Variants in SLC35F3 observed in about 807,000 individuals in gnomAD.
SLC35F3 encodes the protein solute carrier family 35 member F3, also known as putative thiamine transporter SLC35F3.
In SLC35F3, 25 loss-of-function variants were observed where a neutral mutation model predicts 49.9. The ratio of observed to expected loss-of-function variants is 0.50; its 90% CI spans 0.37 to 0.70. SLC35F3 has a LOEUF of 0.70. SLC35F3 is among the 30% of genes least tolerant of loss of function. SLC35F3 has a pLI of 0.00. For synonymous variants in SLC35F3, 275 were observed against 265.4 expected (o/e 1.04, Z -0.35); for missense variants, 525 against 639.8 (o/e 0.82, Z 1.94).
At chr1:234,252,345 T>C (rs1038168571) in intron 3 of SLC35F3, among the ~76,000 whole-genome samples, 2 of 152,130 alleles carry the variant, frequency 1.3e-5, no homozygotes, top group African/African-American at 4.8e-5. Context: ...GCTGGGATTA[T>C]AGGCGTGAGC....
intron 2 of SLC35F3, among the ~76,000 whole-genome samples, chr1:234,139,404 GT>G (rs774717318): frequency 1.1e-4 from 17 of 152,260 alleles, no homozygotes; most frequent in Non-Finnish European, 2.1e-4. Context: ...AAATAATACT[GT>G]AGATCCCAAA....
chr1:233,976,614 AT>A (rs554616426), intron 2 of SLC35F3, among the ~76,000 whole-genome samples: 20 of 148,466 alleles, frequency 1.3e-4, no homozygotes, highest in Middle Eastern at 3.4e-3. Flanking sequence ...TTGGTACTCA[AT>A]TTTTTTTTTT....
Position 234,214,732 on chromosome 1 carries a change from G to C in SLC35F3, c.284-16685G>C. 9.8e-7 allele frequency: 1 copy of C among 1,019,046 alleles called. No homozygotes were observed. Among genetic ancestry groups the C allele is most frequent in the South Asian group, 2.2e-5 (1 of 45,926 alleles). 63.1% of individuals were successfully genotyped at this position (1,019,046 alleles called of 1,614,324 possible). ...CAGAGCGCCGCCGCCTGCGTGGGGG[G>C]ATCTGGCAGCTTCAGGGGCTGCCCT... On this transcript the variant is annotated intron_variant, in intron 2 of 7. Coordinates refer to ENST00000366618, the MANE Select transcript of SLC35F3 (RefSeq NM_173508.4). The surrounding 1 kb of genome is among the most constrained non-coding windows in gnomAD (Gnocchi z 8.0).
At chr1:234,048,151 T>A (rs1201794145) in intron 2 of SLC35F3, among the ~76,000 whole-genome samples, 2 of 152,116 alleles carry the variant, frequency 1.3e-5, no homozygotes, top group Non-Finnish European at 2.9e-5. Flanking sequence ...CTAAACAAAG[T>A]GTTGAAAGAG....
chr1:234,283,836 A>G (rs1223646441), intron 3 of SLC35F3, among the ~76,000 whole-genome samples: 3 of 152,226 alleles, frequency 2.0e-5, no homozygotes, highest in African/African-American at 7.2e-5. Context: ...TTATCATAGT[A>G]AAGAGCATTT....
intron 2 of SLC35F3, among the ~76,000 whole-genome samples, chr1:234,028,443 C>T (rs952447194): frequency 3.9e-5 from 6 of 152,098 alleles, no homozygotes; most frequent in African/African-American, 9.7e-5. Flanking sequence ...CCTGAATGCC[C>T]GCATGGCCTC....
At chr1:234,049,781 T>A (rs1222014383) in intron 2 of SLC35F3, among the ~76,000 whole-genome samples, 2 of 152,074 alleles carry the variant, frequency 1.3e-5, no homozygotes, top group Admixed American at 1.3e-4. Flanking sequence ...ATGCTATCCC[T>A]CCCCACTACC....
At chr1:233,931,122 A>G (rs893597108) in intron 2 of SLC35F3, among the ~76,000 whole-genome samples, 4 of 152,242 alleles carry the variant, frequency 2.6e-5, no homozygotes, top group Non-Finnish European at 5.9e-5. Flanking sequence ...CTTACACCTT[A>G]TACAAAAATC....
chr1:234,190,485 A>T (rs1290569840), intron 2 of SLC35F3, among the ~76,000 whole-genome samples: 2 of 152,228 alleles, frequency 1.3e-5, no homozygotes, highest in East Asian at 3.8e-4. Context: ...GGGACATTAT[A>T]TAATGATGAA....
At chr1:234,296,785 CTAGT>C (rs1254194998) in intron 3 of SLC35F3, among the ~76,000 whole-genome samples, 2 of 152,200 alleles carry the variant, frequency 1.3e-5, no homozygotes, top group Non-Finnish European at 2.9e-5. Flanking sequence ...TGTAAAACTC[CTAGT>C]TAGTGAGACA....
intron 2 of SLC35F3, among the ~76,000 whole-genome samples, chr1:233,934,409 C>T (rs1662292982): frequency 6.6e-6 from 1 of 152,136 alleles, no homozygotes; most frequent in Non-Finnish European, 1.5e-5. Flanking sequence ...TTCACGAATA[C>T]ACCCATGTAA....
intron 2 of SLC35F3, among the ~76,000 whole-genome samples, chr1:234,108,459 T>A (rs1274480251): frequency 2.4e-5 from 2 of 84,166 alleles, no homozygotes; most frequent in Admixed American, 3.3e-4. Context: ...ATATATTATT[T>A]ATATATATAA....
intron 2 of SLC35F3, among the ~76,000 whole-genome samples, chr1:233,938,786 C>T (rs1662375664): frequency 6.6e-6 from 1 of 151,838 alleles, no homozygotes; most frequent in South Asian, 2.1e-4. Context: ...AGGAACTAGT[C>T]TAGGGAACTG....
At position 234,214,777 on chromosome 1, in the gene SLC35F3, A is replaced by G; in HGVS notation, c.284-16640A>G. ...TGCCCTGAGCTCCCTGGCGAGCAGG[A>G]GTGAGCTGCTGCGGCGAGTGAGCAC... On this transcript the variant is annotated intron_variant, in intron 2 of 7. Transcript: ENST00000366618. This position sits in a 1 kb window ranked among gnomAD's most constrained non-coding sequence, Gnocchi z 8.0. 2 of 630,558 alleles carry G rather than the reference A, an allele frequency of 3.2e-6. No homozygotes were observed. The highest frequency in any genetic ancestry group is 4.9e-6 in the Non-Finnish European group (2 of 411,548). The allele number at this position is 630,558 out of a possible 1,614,324, so 39.1% of individuals were successfully genotyped here. A position where few individuals can be genotyped will look rare whatever the true frequency, so the allele number is the denominator to read the frequency against.
intron 2 of SLC35F3, among the ~76,000 whole-genome samples, chr1:234,157,152 T>C (rs1666166716): frequency 6.6e-6 from 1 of 152,238 alleles, no homozygotes; most frequent in South Asian, 2.1e-4. Flanking sequence ...ATTTTTAAGA[T>C]GTTCAGAATG....
chr1:234,020,395 CAG>C (rs1173396900), intron 2 of SLC35F3, among the ~76,000 whole-genome samples: 1 of 152,104 alleles, frequency 6.6e-6, no homozygotes, highest in Non-Finnish European at 1.5e-5. Flanking sequence ...AAAACATAGA[CAG>C]AGGCAGGCTA....
chr1:234,093,125 A>G (rs1218838726), intron 2 of SLC35F3, among the ~76,000 whole-genome samples: 2 of 152,240 alleles, frequency 1.3e-5, no homozygotes, highest in African/African-American at 4.8e-5. Flanking sequence ...AAGTTATAGC[A>G]TGAGCTAATT....
intron 2 of SLC35F3, among the ~76,000 whole-genome samples, chr1:233,944,217 A>C (rs1022947483): frequency 2.6e-5 from 4 of 152,188 alleles, no homozygotes; most frequent in Admixed American, 6.5e-5. Context: ...ATTGAGACAC[A>C]AAAAAACATC....
At chr1:234,251,286 G>A (rs1003363231) in intron 3 of SLC35F3, among the ~76,000 whole-genome samples, 4 of 152,032 alleles carry the variant, frequency 2.6e-5, no homozygotes, top group African/African-American at 9.7e-5. Context: ...GGGACAAAAG[G>A]GAAAGTAACC....
Sources: gnomAD v4.1 joint callset for allele counts (sites outside exome capture counted in the v4.1 genomes callset) on GRCh38, gnomAD v4.1.1 for gene constraint, Gnocchi (gnomAD v3.1) non-coding constraint, MANE v1.5 for transcripts, NCBI Gene and HGNC (gene_info 2026-07-23, HGNC 2026-07-21) for gene names.